The following RCOR1 variants were observed in gnomAD, a reference collection of about 807,000 sequenced individuals.
RCOR1 encodes REST corepressor 1, also known as REST corepressor.
RCOR1 carries 12 observed loss-of-function variants against 64.0 expected under a neutral mutation model. That is an observed-to-expected ratio of 0.19 (90% CI 0.12 to 0.30). The LOEUF (loss-of-function observed/expected upper bound fraction) is 0.30. Ranked by LOEUF, RCOR1 falls within the 10% of genes least tolerant of loss-of-function variation. The pLI is 1.00. For synonymous variants in RCOR1, 279 were observed against 227.2 expected (o/e 1.23, Z -2.05); for missense variants, 502 against 621.2 (o/e 0.81, Z 2.04).
At chr14:102,704,691 A>G (rs1325900192) in intron 4 of RCOR1, among the ~76,000 whole-genome samples, 1 of 152,214 alleles carries the variant, frequency 6.6e-6, no homozygotes, top group East Asian at 1.9e-4. Flanking sequence ...CGGCCTTCCG[A>G]AGTGCTGGGA....
chr14:102,657,114 T>C (rs1170032082), intron 2 of RCOR1: 6 of 983,984 alleles, frequency 6.1e-6, no homozygotes, highest in Non-Finnish European at 7.2e-6. Flanking sequence ...TTTTTTTCCT[T>C]ATATAATTTA....
chr14:102,666,804 C>T (rs1198341329), intron 2 of RCOR1, among the ~76,000 whole-genome samples: 1 of 152,170 alleles, frequency 6.6e-6, no homozygotes, highest in Non-Finnish European at 1.5e-5. Context: ...ATACCATCAA[C>T]ATGACTGATG....
intron 2 of RCOR1, among the ~76,000 whole-genome samples, chr14:102,629,329 T>C (rs574236790): frequency 3.9e-5 from 6 of 152,176 alleles, no homozygotes; most frequent in South Asian, 2.1e-4. Flanking sequence ...TTTACTCTTA[T>C]CGTCATCTAA....
chr14:102,707,037 A>G (rs576562281), intron 4 of RCOR1, among the ~76,000 whole-genome samples: 2 of 152,164 alleles, frequency 1.3e-5, no homozygotes, highest in East Asian at 1.9e-4. Context: ...GTAATTTCCA[A>G]TTAAAACATA....
At position 102,720,999 on chromosome 14, in the gene RCOR1, C is replaced by A; in HGVS notation, c.1054-8C>A. The A allele has an allele frequency of 7.1e-7, 1 of 1,407,262 alleles. No individual in the cohort carries two copies. The allele number at this position is 1,407,262 out of a possible 1,614,324, so 87.2% of individuals were successfully genotyped here. A position where few individuals can be genotyped will look rare whatever the true frequency, so the allele number is the denominator to read the frequency against. ...TTTTTAAAATGAAAATTATTTTTTC[C>A]TTCCTAGATCCAGAATATTAAACAG... is the stretch of plus-strand genomic sequence containing the variant. On this transcript the variant is annotated splice_polypyrimidine_tract_variant and splice_region_variant and intron_variant, in intron 8 of 11. Coordinates refer to ENST00000262241, the MANE Select transcript of RCOR1 (RefSeq NM_015156.4).
At chr14:102,702,493 T>C (rs1473538943) in intron 4 of RCOR1, among the ~76,000 whole-genome samples, 21 of 149,800 alleles carry the variant, frequency 1.4e-4, no homozygotes, top group Non-Finnish European at 3.0e-5. Context: ...AACATATAAA[T>C]ATATATAATT....
chr14:102,631,387 T>A (rs1273169578), intron 2 of RCOR1, among the ~76,000 whole-genome samples: 7 of 151,524 alleles, frequency 4.6e-5, no homozygotes, highest in Non-Finnish European at 1.0e-4. Context: ...TTTTTTTAAG[T>A]AGAGACGGGG....
chr14:102,601,709 G>A (rs1293185903), intron 2 of RCOR1, among the ~76,000 whole-genome samples: 2 of 152,212 alleles, frequency 1.3e-5, no homozygotes, highest in Non-Finnish European at 2.9e-5. Flanking sequence ...AACATCTGCT[G>A]TGTTCAGTCA....
At chr14:102,726,041 A>G (rs1896252123) in intron 11 of RCOR1, among the ~76,000 whole-genome samples, 1 of 151,696 alleles carries the variant, frequency 6.6e-6, no homozygotes, top group African/African-American at 2.4e-5. Context: ...CCTTAAGAAC[A>G]TGGTGGGCTG....
intron 2 of RCOR1, among the ~76,000 whole-genome samples, chr14:102,636,273 G>A (rs939187177): frequency 5.3e-5 from 8 of 151,534 alleles, no homozygotes; most frequent in African/African-American, 1.9e-4. Context: ...TTTTTTTAAC[G>A]TAGAAATCTT....
chr14:102,593,390 C>T (rs577001098), intron 2 of RCOR1, 65 bp downstream of exon 2: 1 of 1,430,004 alleles, frequency 7.0e-7, no homozygotes, highest in South Asian at 1.4e-5. Flanking sequence ...CCGGCGAGCC[C>T]GAGGGGGCGG....
intron 2 of RCOR1, among the ~76,000 whole-genome samples, chr14:102,659,979 T>G (rs773649916): frequency 5.3e-5 from 8 of 152,212 alleles, no homozygotes; most frequent in Non-Finnish European, 1.0e-4. Flanking sequence ...AATAATCTGG[T>G]GAGTCGCATG....
intron 2 of RCOR1, among the ~76,000 whole-genome samples, chr14:102,630,237 G>A (rs1375351067): frequency 6.6e-6 from 1 of 152,058 alleles, no homozygotes; most frequent in Non-Finnish European, 1.5e-5. Context: ...AAGAGCTGGC[G>A]CCTCTCTCTT....
chr14:102,604,187 A>G (rs1004580260), intron 2 of RCOR1, among the ~76,000 whole-genome samples: 1 of 152,188 alleles, frequency 6.6e-6, no homozygotes, highest in African/African-American at 2.4e-5. Flanking sequence ...AGTTGACCCA[A>G]ATCACAGTGC....
intron 2 of RCOR1, among the ~76,000 whole-genome samples, chr14:102,654,282 C>T (rs559230320): frequency 8.6e-5 from 13 of 152,012 alleles, no homozygotes; most frequent in African/African-American, 2.9e-4. Flanking sequence ...CCATTGCGCC[C>T]GGCCAGGTAT....
intron 2 of RCOR1, among the ~76,000 whole-genome samples, chr14:102,653,625 T>A (rs1476282841): frequency 1.3e-5 from 2 of 152,124 alleles, no homozygotes; most frequent in African/African-American, 4.8e-5. Flanking sequence ...GGCCCATGAT[T>A]GGATCATGGG....
intron 8 of RCOR1, among the ~76,000 whole-genome samples, chr14:102,716,951 C>T (rs939851831): frequency 7.2e-5 from 11 of 152,074 alleles, no homozygotes; most frequent in Non-Finnish European, 1.2e-4. Context: ...GATCAGTGAA[C>T]CTGATATACC....
At chr14:102,605,180 T>G (rs1394060654) in intron 2 of RCOR1, among the ~76,000 whole-genome samples, 4 of 152,074 alleles carry the variant, frequency 2.6e-5, no homozygotes, top group Admixed American at 2.6e-4. Flanking sequence ...ATTTTATGTT[T>G]CGGGTTGCCA....
Position 102,597,143 on chromosome 14 carries a change from G to A in RCOR1, c.361+3818G>A, listed in dbSNP as rs182347871. ...CCCCCTCGGCCTCCCAAAGTGCTGG[G>A]ATTACAGGCGTGAGCCACCATGCCC... On this transcript the variant is annotated intron_variant, in intron 2 of 11. Transcript: ENST00000262241. Among the ~76,000 whole-genome samples, 133 of 152,154 alleles carry A rather than the reference G, an allele frequency of 8.7e-4. 2 individuals are homozygous for A. In the Middle Eastern group the frequency reaches 0.031, roughly 35 times the overall value.
Sources: gnomAD v4.1 joint callset for allele counts (sites outside exome capture counted in the v4.1 genomes callset) on GRCh38, gnomAD v4.1.1 for gene constraint, MANE v1.5 for transcripts, NCBI Gene and HGNC (gene_info 2026-07-23, HGNC 2026-07-21) for gene names.